WWOX: variants seen among roughly 807,000 people sequenced by gnomAD.
The protein encoded by WWOX is WW domain containing oxidoreductase.
In WWOX, 69 loss-of-function variants were observed where a neutral mutation model predicts 46.2. The observed-to-expected ratio is 1.49, with a 90% CI of 1.23 to 1.82. The LOEUF is 1.82. Among genes scored for constraint, WWOX ranks in the 40% most tolerant of loss-of-function variants. The pLI, the probability that WWOX is intolerant of heterozygous loss-of-function variation, is 0.00. For synonymous variants in WWOX, 359 were observed against 202.6 expected (o/e 1.77, Z -6.56); for missense variants, 919 against 542.6 (o/e 1.69, Z -6.89).
intron 8 of WWOX, among the ~76,000 whole-genome samples, chr16:78,549,148 G>A (rs898663863): frequency 6.6e-5 from 10 of 152,172 alleles, no homozygotes; most frequent in African/African-American, 1.7e-4. Context: ...TACTACATCC[G>A]TAATTGGGAG....
intron 8 of WWOX, among the ~76,000 whole-genome samples, chr16:79,020,835 T>G (rs537183214): frequency 6.6e-6 from 1 of 152,168 alleles, no homozygotes; most frequent in East Asian, 1.9e-4. Context: ...CACTTTGAGG[T>G]TTGATGGTTT....
In WWOX at chr16:79,020,674, G is replaced by A. The variant is rs188224230; in HGVS notation, c.1057-190934G>A. On this transcript the variant is annotated intron_variant, in intron 8 of 8. Transcript: ENST00000566780. Reference sequence around the variant, plus strand: ...GGCCAATGTGATAATAAAATCAACAGACAAAAGAAGGGAGAGTGTGGTGAG... The same window carrying A: ...GGCCAATGTGATAATAAAATCAACAAACAAAAGAAGGGAGAGTGTGGTGAG... 2.0e-5 allele frequency among the ~76,000 whole-genome samples: 3 copies of A among 152,288 alleles called. No individual in the cohort carries two copies. The East Asian group carries it at 5.8e-4, about 29-fold the overall frequency.
At position 78,479,224 on chromosome 16, in the gene WWOX, G is replaced by A. The variant is rs73576838; in HGVS notation, c.1056+46472G>A. ...TGTGTAACTTCATCCAATACGTATT[G>A]AATACCTACTATGTGTCTGGCACCA... is the stretch of plus-strand genomic sequence containing the variant. On this transcript the variant is annotated intron_variant, in intron 8 of 8. Transcript: ENST00000566780. 4.2e-3 allele frequency among the ~76,000 whole-genome samples: 639 copies of A among 152,264 alleles called. 3 individuals carry two copies. Among genetic ancestry groups the A allele is most frequent in the African/African-American group, 0.015 (611 of 41,542 alleles).
chr16:78,845,658 G>A (rs1277422665), intron 8 of WWOX, among the ~76,000 whole-genome samples: 1 of 152,314 alleles, frequency 6.6e-6, no homozygotes, highest in Non-Finnish European at 1.5e-5. Flanking sequence ...TCCAAGCTAT[G>A]ATTAAGTAAG....
intron 8 of WWOX, among the ~76,000 whole-genome samples, chr16:78,934,095 G>A (rs548385193): frequency 4.6e-5 from 7 of 151,930 alleles, no homozygotes; most frequent in South Asian, 2.1e-4. Context: ...CAGCACTTTC[G>A]GAGGCCTAGG....
intron 5 of WWOX, among the ~76,000 whole-genome samples, chr16:78,350,793 A>G (rs9934747): frequency 8.4e-6 from 1 of 118,408 alleles, no homozygotes; most frequent in African/African-American, 2.9e-5. Flanking sequence ...ATATAGGTTT[A>G]CCTTTTTTGG....
chr16:78,652,751 C>G (rs763433899), intron 8 of WWOX, among the ~76,000 whole-genome samples: 3 of 152,112 alleles, frequency 2.0e-5, no homozygotes, highest in Non-Finnish European at 4.4e-5. Flanking sequence ...TAAAAATAGA[C>G]TTGGTAAAGA....
intron 8 of WWOX, among the ~76,000 whole-genome samples, chr16:78,589,115 T>C (rs546623248): frequency 2.0e-4 from 31 of 152,356 alleles, no homozygotes; most frequent in African/African-American, 7.5e-4. Flanking sequence ...AATTGTATTT[T>C]AGCTCTCAAG....
At chr16:78,855,672 C>G (rs1250372071) in intron 8 of WWOX, among the ~76,000 whole-genome samples, 1 of 152,200 alleles carries the variant, frequency 6.6e-6, no homozygotes, top group Non-Finnish European at 1.5e-5. Context: ...CCTGTATAGA[C>G]TTAATCATTT....
chr16:79,042,231 A>C (rs780137974), intron 8 of WWOX, among the ~76,000 whole-genome samples: 2 of 152,106 alleles, frequency 1.3e-5, no homozygotes, highest in Non-Finnish European at 2.9e-5. Flanking sequence ...TCCAAAGCCC[A>C]CGCTCTCTTA....
chr16:78,396,946 C>T (rs1263654756), intron 6 of WWOX, among the ~76,000 whole-genome samples: 4 of 152,170 alleles, frequency 2.6e-5, no homozygotes, highest in South Asian at 2.1e-4. Flanking sequence ...ACTCCTTGGA[C>T]GGTGGCCCAG....
intron 8 of WWOX, among the ~76,000 whole-genome samples, chr16:78,771,190 G>A (rs1213196169): frequency 6.6e-6 from 1 of 152,196 alleles, no homozygotes; most frequent in East Asian, 1.9e-4. Context: ...CTTGAACACA[G>A]AACTGACCGG....
chr16:78,672,137 A>C (rs1487236316), intron 8 of WWOX, among the ~76,000 whole-genome samples: 4 of 152,184 alleles, frequency 2.6e-5, no homozygotes, highest in African/African-American at 9.7e-5. Context: ...GGCAGCAAAT[A>C]CCTTTAAATG....
chr16:79,109,886 G>C (rs187445729), intron 8 of WWOX, among the ~76,000 whole-genome samples: 1 of 152,192 alleles, frequency 6.6e-6, no homozygotes, highest in East Asian at 1.9e-4. Flanking sequence ...TTGGCATTCT[G>C]CATGTTGGGG....
chr16:78,887,476 C>CG (rs1312074307), intron 8 of WWOX, among the ~76,000 whole-genome samples: 6 of 60,904 alleles, frequency 9.9e-5, no homozygotes, highest in Non-Finnish European at 1.7e-4. Flanking sequence ...AAAACACACA[C>CG]ACACACACAC....
intron 5 of WWOX, among the ~76,000 whole-genome samples, chr16:78,368,895 C>T (rs142573622): frequency 6.6e-6 from 1 of 152,282 alleles, no homozygotes; most frequent in Non-Finnish European, 1.5e-5. Context: ...AATGGTACAT[C>T]CCACCACTGC....
intron 8 of WWOX, among the ~76,000 whole-genome samples, chr16:78,751,193 G>C (rs1420361948): frequency 6.6e-6 from 1 of 152,006 alleles, no homozygotes; most frequent in Admixed American, 6.5e-5. Context: ...ATAAAAGACA[G>C]ATGTATTTAA....
At chr16:79,153,039 C>A (rs1240804272) in intron 8 of WWOX, among the ~76,000 whole-genome samples, 1 of 152,124 alleles carries the variant, frequency 6.6e-6, no homozygotes, top group African/African-American at 2.4e-5. Context: ...GGCAAGGAGA[C>A]CTGCAGAGCG....
intron 5 of WWOX, among the ~76,000 whole-genome samples, chr16:78,303,186 A>G (rs79440112): frequency 0.039 from 5,952 of 152,136 alleles, 202 homozygotes; most frequent in African/African-American, 0.09. Flanking sequence ...TTTTTCCCCT[A>G]CTTTAAATAA....
Sources: gnomAD v4.1 joint callset for allele counts (sites outside exome capture counted in the v4.1 genomes callset) on GRCh38, gnomAD v4.1.1 for gene constraint, MANE v1.5 for transcripts, NCBI Gene and HGNC (gene_info 2026-07-23, HGNC 2026-07-21) for gene names.